UNC13C: variants seen among roughly 807,000 people sequenced by gnomAD.
The protein encoded by UNC13C is unc-13 homolog C.
In UNC13C, 174 loss-of-function variants were observed where a neutral mutation model predicts 245.4. The observed-to-expected ratio is 0.71, with a 90% confidence interval of 0.63 to 0.80. The LOEUF (loss-of-function observed/expected upper bound fraction) is 0.80. Ranked by LOEUF, UNC13C falls within the 30% of genes least tolerant of loss-of-function variation. The pLI is 0.00. For synonymous variants in UNC13C, 992 were observed against 895.1 expected (o/e 1.11, Z -1.93); for missense variants, 2,829 against 2,602.9 (o/e 1.09, Z -1.89).
rs146156947 is a variant in UNC13C at position 54,458,333 on chromosome 15, G to A, written c.4934-36275G>A. The stretch of plus-strand genomic sequence containing the variant: ...TGGTCCGTCTTGGGGAATTTCCCAT[G>A]TGCTGATGAAAAGAATGTATATTCT... On this transcript the variant is annotated intron_variant, in intron 19 of 32. Transcript: ENST00000260323. Among the ~76,000 whole-genome samples, 44 of 152,164 alleles carry A rather than the reference G, an allele frequency of 2.9e-4. No individual in the cohort carries two copies. The East Asian group carries it at 7.0e-3, about 24-fold the overall frequency.
chr15:54,618,786 T>C (rs944502106), intron 30 of UNC13C, among the ~76,000 whole-genome samples: 5 of 152,116 alleles, frequency 3.3e-5, no homozygotes, highest in Admixed American at 6.6e-5. Flanking sequence ...AACGGAAGTA[T>C]ATGTATAGTT....
At chr15:53,970,160 C>T in the UNC13C span, among the ~76,000 whole-genome samples, 5 of 151,938 alleles carry the variant, frequency 3.3e-5, no homozygotes, top group African/African-American at 1.2e-4. Context: ...ACCTTTGCCT[C>T]CCCGGTTCAA....
chr15:54,369,816 G>C (rs960170884), intron 17 of UNC13C, among the ~76,000 whole-genome samples: 1 of 152,008 alleles, frequency 6.6e-6, no homozygotes, highest in Non-Finnish European at 1.5e-5. Flanking sequence ...AAACCAAAAG[G>C]GTATGTGGGC....
intron 19 of UNC13C, among the ~76,000 whole-genome samples, chr15:54,418,058 T>C (rs1436571580): frequency 6.6e-6 from 1 of 152,012 alleles, no homozygotes; most frequent in African/African-American, 2.4e-5. Context: ...CAAGTAGCTG[T>C]TTTCTAGTCC....
intron 26 of UNC13C, among the ~76,000 whole-genome samples, chr15:54,543,989 C>T (rs1261160327): frequency 6.6e-6 from 1 of 151,884 alleles, no homozygotes; most frequent in East Asian, 1.9e-4. Context: ...AGAGATACAA[C>T]AAAAAAAGAG....
the UNC13C span, among the ~76,000 whole-genome samples, chr15:53,967,772 A>G: frequency 6.6e-6 from 1 of 152,214 alleles, no homozygotes; most frequent in Non-Finnish European, 1.5e-5. Context: ...ATGGAGATAA[A>G]TAACTAGAGT....
chr15:53,942,106 T>G, the UNC13C span, among the ~76,000 whole-genome samples: 6 of 152,210 alleles, frequency 3.9e-5, no homozygotes, highest in African/African-American at 1.2e-4. Context: ...CATGCACATG[T>G]ATGTTCATGA....
intron 18 of UNC13C, among the ~76,000 whole-genome samples, chr15:54,401,457 G>A (rs943988210): frequency 5.3e-5 from 8 of 152,114 alleles, no homozygotes; most frequent in African/African-American, 1.4e-4. Flanking sequence ...CACAATAAGA[G>A]AAACTAGGTT....
chr15:54,330,512 G>C (rs2038410947), intron 14 of UNC13C, among the ~76,000 whole-genome samples: 1 of 152,020 alleles, frequency 6.6e-6, no homozygotes, highest in Non-Finnish European at 1.5e-5. Flanking sequence ...GCCACAGTAT[G>C]GTTGATCAGT....
chr15:54,330,266 A>C (rs1404735722), intron 14 of UNC13C, among the ~76,000 whole-genome samples: 1 of 152,082 alleles, frequency 6.6e-6, no homozygotes, highest in African/African-American at 2.4e-5. Flanking sequence ...TCAAAACAAT[A>C]AGTCATTGGT....
At chr15:53,899,315 T>C in the UNC13C span, among the ~76,000 whole-genome samples, 1 of 152,246 alleles carries the variant, frequency 6.6e-6, no homozygotes, top group Non-Finnish European at 1.5e-5. Flanking sequence ...AAGAATCTGT[T>C]GACTCTCTGA....
At chr15:54,028,711 G>C (rs764302821) in intron 2 of UNC13C, among the ~76,000 whole-genome samples, 1 of 62,740 alleles carries the variant, frequency 1.6e-5, no homozygotes, top group African/African-American at 4.9e-5. Context: ...TTTTTGAGAC[G>C]GAGTCTCGCT....
chr15:53,973,960 A>G (rs540832156), upstream of UNC13C, among the ~76,000 whole-genome samples: 1 of 152,302 alleles, frequency 6.6e-6, no homozygotes, highest in East Asian at 1.9e-4. Context: ...TGTCTGCTTT[A>G]CAGGGGAACC....
At chr15:53,863,958 C>G in the UNC13C span, among the ~76,000 whole-genome samples, 5 of 152,152 alleles carry the variant, frequency 3.3e-5, no homozygotes, top group African/African-American at 1.2e-4. Context: ...TTTGTTAAGA[C>G]AACTTTGAGG....
intron 32 of UNC13C, among the ~76,000 whole-genome samples, chr15:54,625,770 AAACCAGCTTAC>A (rs1318555061): frequency 6.6e-6 from 1 of 152,168 alleles, no homozygotes; most frequent in African/African-American, 2.4e-5. Context: ...CCCTGCCAAT[AAACCAGCTTAC>A]AACATTTCAC....
chr15:54,553,114 A>G (rs192849524), intron 28 of UNC13C, among the ~76,000 whole-genome samples: 2,203 of 89,424 alleles, frequency 0.025, 281 homozygotes, highest in African/African-American at 0.12. Flanking sequence ...ATTGTATTCT[A>G]TATTACAATA....
At chr15:54,336,026 A>C (rs2038565285) in intron 16 of UNC13C, among the ~76,000 whole-genome samples, 1 of 146,234 alleles carries the variant, frequency 6.8e-6, no homozygotes, top group South Asian at 2.1e-4. Context: ...TATTTGTCTA[A>C]AAATTAATAA....
Position 54,332,124 on chromosome 15 carries a change from T to G in UNC13C, c.4494+13T>G. The G allele has an allele frequency of 6.6e-7, 1 of 1,524,532 alleles. No homozygotes were observed. The highest frequency in any genetic ancestry group is 2.1e-5 in the Admixed American group (1 of 46,986). The allele number at this position is 1,524,532 out of a possible 1,614,324, so 94.4% of individuals were successfully genotyped here. A position where few individuals can be genotyped will look rare whatever the true frequency, so the allele number is the denominator to read the frequency against. On this transcript the variant is annotated intron_variant, in intron 15 of 32. Transcript: ENST00000260323. ...GTCAAAGTATAGGGTATGTACAAAT[T>G]TACTTGCCTAAAAGAAAACTGTTGT...
rs569937789 is a variant in UNC13C, at chr15:54,517,199, G to C, written c.5457+5369G>C. Among the ~76,000 whole-genome samples the C allele has an allele frequency of 1.2e-3, 182 of 151,872 alleles. 1 individual carries two copies. Among genetic ancestry groups the C allele is most frequent in the African/African-American group, 4.2e-3 (175 of 41,450 alleles). On this transcript the variant is annotated intron_variant, in intron 24 of 32. Coordinates refer to ENST00000260323, the MANE Select transcript of UNC13C (RefSeq NM_001080534.3). ...AAGTTACTAGTTAATAAATTAATAA[G>C]AATTAATCTACTGTTCTCATATTTT...
Sources: allele counts gnomAD v4.1 joint callset (sites outside exome capture counted in the v4.1 genomes callset), GRCh38; gene constraint gnomAD v4.1.1; transcripts MANE v1.5; gene names NCBI Gene and HGNC (gene_info 2026-07-23, HGNC 2026-07-21).